RGS6: variants seen among roughly 807,000 people sequenced by gnomAD.
RGS6 encodes the protein regulator of G protein signaling 6, also known as regulator of G-protein signaling 6.
In RGS6, 30 loss-of-function variants were observed where a neutral mutation model predicts 78.5. That is an observed-to-expected ratio of 0.38 (90% confidence interval 0.29 to 0.52). The LOEUF is 0.52. Ranked by LOEUF, RGS6 falls within the 20% of genes least tolerant of loss-of-function variation. RGS6 has a pLI of 0.85. For synonymous variants in RGS6, 206 were observed against 206.0 expected (o/e 1.00, Z 0.00); for missense variants, 495 against 609.7 (o/e 0.81, Z 1.98).
At chr14:72,360,645 A>G (rs1278935366) in intron 3 of RGS6, among the ~76,000 whole-genome samples, 2 of 152,036 alleles carry the variant, frequency 1.3e-5, no homozygotes, top group East Asian at 1.9e-4. Context: ...CATTGTCTCT[A>G]TGTTCCTAGT....
At chr14:72,019,123 T>C (rs117561872) in intron 2 of RGS6, among the ~76,000 whole-genome samples, 2,677 of 152,262 alleles carry the variant, frequency 0.018, 33 homozygotes, top group Middle Eastern at 0.041. Context: ...GCCATTCTTA[T>C]AGAAACTCTG....
intron 4 of RGS6, among the ~76,000 whole-genome samples, chr14:72,456,579 G>T (rs995843215): frequency 6.6e-6 from 1 of 152,218 alleles, no homozygotes; most frequent in African/African-American, 2.4e-5. Flanking sequence ...ACAGGTGTGA[G>T]ACACTGCACC....
At chr14:72,497,160 A>G (rs977449540) in intron 13 of RGS6, among the ~76,000 whole-genome samples, 3 of 152,208 alleles carry the variant, frequency 2.0e-5, no homozygotes, top group African/African-American at 7.2e-5. Context: ...TCGTAGGTCC[A>G]GATTCCTCTT....
Position 71,975,518 on chromosome 14 carries a change from G to A in RGS6, c.84+10643G>A, listed in dbSNP as rs983026725. Among the ~76,000 whole-genome samples the A allele has an allele frequency of 7.2e-5, 11 of 151,890 alleles. No homozygotes were observed. In the South Asian group the frequency reaches 2.3e-3, roughly 32 times the overall value. On this transcript the variant is annotated intron_variant, in intron 2 of 17. Transcript: ENST00000553525. Reference sequence around the variant, plus strand: ...CTGTCACCCAGGCTGGAGTGCAGTGGTGCAACCTTGGCTCACTGCAGCTGC... The same window carrying A: ...CTGTCACCCAGGCTGGAGTGCAGTGATGCAACCTTGGCTCACTGCAGCTGC...
At chr14:72,531,465 G>A (rs1232231802) in intron 15 of RGS6, among the ~76,000 whole-genome samples, 2 of 149,222 alleles carry the variant, frequency 1.3e-5, no homozygotes, top group East Asian at 2.0e-4. Context: ...AACCAAGTCA[G>A]TATTTAATTT....
intron 2 of RGS6, among the ~76,000 whole-genome samples, chr14:72,001,112 C>T (rs2083338133): frequency 6.6e-6 from 1 of 152,148 alleles, no homozygotes; most frequent in African/African-American, 2.4e-5. Context: ...TGGGGCCGCT[C>T]CTGGCAACCT....
chr14:72,156,014 G>A (rs574515348), intron 2 of RGS6, among the ~76,000 whole-genome samples: 7 of 152,336 alleles, frequency 4.6e-5, no homozygotes, highest in South Asian at 2.1e-4. Flanking sequence ...CTTGGGTTCC[G>A]CTCTTGGAAA....
intron 2 of RGS6, among the ~76,000 whole-genome samples, chr14:71,974,054 C>A (rs569150451): frequency 3.3e-5 from 5 of 152,218 alleles, no homozygotes; most frequent in African/African-American, 1.2e-4. Flanking sequence ...TCCAATTTCT[C>A]CCCCTCATTT....
intron 16 of RGS6, chr14:72,537,828 A>T (rs1207482401): frequency 2.7e-6 from 1 of 364,100 alleles, no homozygotes; most frequent in Non-Finnish European, 4.9e-6. Flanking sequence ...CACACCTAGA[A>T]GAAGAGAAGC....
chr14:72,290,710 A>C (rs1189289291), intron 2 of RGS6, among the ~76,000 whole-genome samples: 1 of 152,180 alleles, frequency 6.6e-6, no homozygotes, highest in African/African-American at 2.4e-5. Flanking sequence ...CTTAATTAGA[A>C]ACTGGTCCTC....
At chr14:71,985,921 C>T (rs2094692719) in intron 2 of RGS6, among the ~76,000 whole-genome samples, 1 of 152,232 alleles carries the variant, frequency 6.6e-6, no homozygotes, top group African/African-American at 2.4e-5. Flanking sequence ...GCCTGCACCA[C>T]CTCTGCCTAC....
intron 2 of RGS6, among the ~76,000 whole-genome samples, chr14:71,981,090 C>T (rs1260200769): frequency 2.9e-4 from 44 of 150,078 alleles, no homozygotes; most frequent in Admixed American, 4.0e-4. Flanking sequence ...ACATAGTTGT[C>T]GAGCCTTGGT....
intron 14 of RGS6, among the ~76,000 whole-genome samples, chr14:72,517,209 C>T (rs1305500474): frequency 1.3e-5 from 2 of 152,216 alleles, no homozygotes; most frequent in East Asian, 1.9e-4. Context: ...GCACTGTCTG[C>T]ACTTTCCACC....
chr14:72,489,708 A>AGAAAG (rs143576477), intron 12 of RGS6, among the ~76,000 whole-genome samples: 8,636 of 140,024 alleles, frequency 0.062, 304 homozygotes, highest in Middle Eastern at 0.14. Flanking sequence ...TGGAAGGAAA[A>AGAAAG]GAAAGGAAAG....
intron 2 of RGS6, among the ~76,000 whole-genome samples, chr14:72,111,294 T>C (rs2095755892): frequency 6.6e-6 from 1 of 152,192 alleles, no homozygotes; most frequent in South Asian, 2.1e-4. Flanking sequence ...TGCTGACAGA[T>C]ACCATCTCAG....
intron 6 of RGS6, among the ~76,000 whole-genome samples, chr14:72,460,459 G>A (rs2095749145): frequency 6.6e-6 from 1 of 152,244 alleles, no homozygotes; most frequent in African/African-American, 2.4e-5. Context: ...CATAGCCTAT[G>A]TCTGAGGCAG....
chr14:71,942,001 A>G (rs1006660157), intron 1 of RGS6, among the ~76,000 whole-genome samples: 1 of 152,052 alleles, frequency 6.6e-6, no homozygotes, highest in African/African-American at 2.4e-5. Flanking sequence ...CCCAAAATAT[A>G]CCTGCCAATA....
chr14:72,038,116 C>T (rs1276464579), intron 2 of RGS6, among the ~76,000 whole-genome samples: 2 of 152,048 alleles, frequency 1.3e-5, no homozygotes, highest in Non-Finnish European at 2.9e-5. Context: ...ACTCCAGGCA[C>T]ATGCCACCAT....
At chr14:71,880,569 G>A in the RGS6 span, among the ~76,000 whole-genome samples, 24 of 152,228 alleles carry the variant, frequency 1.6e-4, no homozygotes, top group Admixed American at 3.9e-4. Flanking sequence ...CCAACACAGA[G>A]CTGAGACTGT....
Sources: allele counts gnomAD v4.1 joint callset (sites outside exome capture counted in the v4.1 genomes callset), GRCh38; gene constraint gnomAD v4.1.1; transcripts MANE v1.5; gene names NCBI Gene and HGNC (gene_info 2026-07-23, HGNC 2026-07-21).